The following ZER1 variants were observed in gnomAD, a reference collection of about 807,000 sequenced individuals.
ZER1 encodes the protein protein zer-1 homolog.
In ZER1, 11 loss-of-function variants were observed where a neutral mutation model predicts 78.8. The observed-to-expected ratio is 0.14, with a 90% CI of 0.09 to 0.23. The LOEUF (loss-of-function observed/expected upper bound fraction) is 0.23. Ranked by LOEUF, ZER1 falls within the 10% of genes least tolerant of loss-of-function variation. The pLI is 1.00. For synonymous variants in ZER1, 400 were observed against 407.0 expected (o/e 0.98, Z 0.21); for missense variants, 588 against 996.9 (o/e 0.59, Z 5.52).
chr9:128,733,229 T>A, intron 15 of ZER1, 197 bp downstream of exon 15: 1 of 518,342 alleles, frequency 1.9e-6, no homozygotes, highest in East Asian at 2.9e-5. Flanking sequence ...AGCTTGGTCA[T>A]CTAATTTCCA....
chr9:128,733,351 C>T, intron 15 of ZER1, 75 bp downstream of exon 15: 9 of 1,361,258 alleles, frequency 6.6e-6, no homozygotes, highest in Non-Finnish European at 8.2e-6. Context: ...CATTCCTAAC[C>T]TCCAGAGGGC....
intron 1 of ZER1, among the ~76,000 whole-genome samples, chr9:128,766,161 C>T (rs981720736): frequency 4.0e-5 from 6 of 151,866 alleles, no homozygotes; most frequent in Admixed American, 1.3e-4. Flanking sequence ...CCATCCTGGC[C>T]AACATGGTGA....
intron 1 of ZER1, among the ~76,000 whole-genome samples, chr9:128,759,766 G>A (rs533783267): frequency 1.3e-5 from 2 of 152,186 alleles, no homozygotes; most frequent in South Asian, 2.1e-4. Context: ...CTGCACTCCA[G>A]TCTGGGCAAC....
At chr9:128,768,089 GT>G (rs1864272813) in intron 1 of ZER1, among the ~76,000 whole-genome samples, 1 of 152,178 alleles carries the variant, frequency 6.6e-6, no homozygotes, top group Admixed American at 6.6e-5. Context: ...ATTATGAAGA[GT>G]GATGTTCCTG....
In ZER1 at chr9:128,733,467, A is replaced by C; in HGVS notation, c.2202T>G (p.Ile734Met). 1.2e-6 allele frequency: 2 copies of C among 1,613,826 alleles called. No individual in the cohort carries two copies. Among genetic ancestry groups the C allele is most frequent in the Non-Finnish European group, 1.7e-6 (2 of 1,179,918 alleles). ...TCTCCTGCCGTGCGGTCGCCATCTT[A>C]ATTATGTCCCTCAGAAGGGGCATCC... ...EGGMPLLRDIIKMATARQETK... is the reference protein window; with the variant it reads ...EGGMPLLRDIMKMATARQETK... The change falls in exon 15 of 16, where the codon ATT becomes ATG. Residue 734 changes from isoleucine to methionine, a missense_variant. Ile to Met is a conservative substitution (Grantham distance 10). This residue lies in a region of ZER1 where 122 missense variants were observed against 173.5 expected (regional missense o/e 0.70). Transcript: ENST00000291900.
rs537874457 is a variant in ZER1 at position 128,746,880 on chromosome 9, C to T, written c.1359+3736G>A. ...TGAATTCCTGACCTCAGGTGATCCA[C>T]CCACCTTGGCCTCCCAAAGTGCTGG... On this transcript the variant is annotated intron_variant, in intron 8 of 15. Transcript: ENST00000291900. Among the ~76,000 whole-genome samples, 289 of 152,102 alleles carry T rather than the reference C, an allele frequency of 1.9e-3. 2 individuals are homozygous for T. Among genetic ancestry groups the T allele is most frequent in the Non-Finnish European group, 2.8e-3 (188 of 67,988 alleles).
intron 8 of ZER1, 69 bp downstream of exon 8, chr9:128,750,547 C>CG: frequency 1.3e-6 from 2 of 1,564,126 alleles, no homozygotes; most frequent in Non-Finnish European, 1.7e-6. Flanking sequence ...GGAGCCCTAG[C>CG]GGGACGCAAG....
Position 128,753,270 on chromosome 9 carries a change from C to T in ZER1, c.640G>A (p.Ala214Thr), listed in dbSNP as rs1379850271. ...TCTTTCCACTGGGTGAGGAAGGCGG[C>T]GTCGCTCGTCTGAATGCCTGAGAGG... is the stretch of plus-strand genomic sequence containing the variant. ...LDLSGIQTSD[A>T]AFLTQWKDSL... The change falls in exon 4 of 16, where the codon GCC (alanine) becomes ACC (threonine). Residue 214 changes from alanine (A) to threonine (T), a missense_variant. Around this residue, in one of 3 missense-constraint regions of ZER1, gnomAD observed 406 missense variants for 660.1 expected, o/e 0.62. Coordinates refer to ENST00000291900, the MANE Select transcript of ZER1 (RefSeq NM_006336.4). The surrounding 1 kb of genome is among the most constrained non-coding windows in gnomAD (Gnocchi z 7.5). 3.7e-6 allele frequency: 6 copies of T among 1,604,288 alleles called. No individual in the cohort carries two copies. Among genetic ancestry groups the T allele is most frequent in the South Asian group, 1.1e-5 (1 of 89,538 alleles).
rs576049659 is a variant in ZER1 at position 128,754,730 on chromosome 9, C to T, written c.158+678G>A. On this transcript the variant is annotated intron_variant, in intron 2 of 15. Transcript: ENST00000291900. This position sits in a 1 kb window ranked among gnomAD's most constrained non-coding sequence, Gnocchi z 4.3. ...GTAGAGACAAGGTCTCGCTATGTCA[C>T]CCAGGCTGATCTTGAATTTCTGGTC... 1.3e-5 allele frequency among the ~76,000 whole-genome samples: 2 copies of T among 151,790 alleles called. No individual in the cohort carries two copies. The highest frequency in any genetic ancestry group is 4.2e-4 in the South Asian group (2 of 4,798).
At chr9:128,761,959 T>TA (rs2132477211) in intron 1 of ZER1, among the ~76,000 whole-genome samples, 1 of 1,384 alleles carries the variant, frequency 7.2e-4, no homozygotes, top group East Asian at 0.12. Context: ...CTGTGTAAAC[T>TA]AGACTGGAAC....
At position 128,760,594 on chromosome 9, in the gene ZER1, C is replaced by T. The variant is rs1864010001; in HGVS notation, c.-94-4935G>A. Among the ~76,000 whole-genome samples the T allele has an allele frequency of 2.0e-5, 3 of 152,108 alleles. No individual in the cohort carries two copies. In the South Asian group the frequency reaches 6.2e-4, roughly 32 times the overall value. On this transcript the variant is annotated intron_variant, in intron 1 of 15. Transcript: ENST00000291900. Reference sequence around the variant, plus strand: ...TTCACTGTAAAATTACTTAACCTCTCCATTGAGGCCAACATAGTGAAACCC... The same window carrying T: ...TTCACTGTAAAATTACTTAACCTCTTCATTGAGGCCAACATAGTGAAACCC...
rs202247358 is a variant in ZER1, at chr9:128,750,676, C to T, written c.1299G>A (p.Lys433=). The change falls in exon 8 of 16, where the codon AAG becomes AAA. Residue 433 remains lysine (K), a synonymous_variant. Coordinates refer to ENST00000291900, the MANE Select transcript of ZER1 (RefSeq NM_006336.4). The part of the protein sequence containing the change: ...NSEYRSEQSV[K]LRRQVIQVVL... ...CCACCTGGATAACCTGCCGGCGCAGCTTCACACTCTGCTCTGAGCGGTACT... is the reference window on the plus strand; with the variant it reads ...CCACCTGGATAACCTGCCGGCGCAGTTTCACACTCTGCTCTGAGCGGTACT... The T allele has an allele frequency of 1.9e-6, 3 of 1,614,246 alleles. No homozygotes were observed. Among genetic ancestry groups the T allele is most frequent in the African/African-American group, 2.7e-5 (2 of 75,056 alleles).
intron 1 of ZER1, among the ~76,000 whole-genome samples, chr9:128,764,845 C>A (rs1173698774): frequency 6.6e-6 from 1 of 152,160 alleles, no homozygotes; most frequent in Non-Finnish European, 1.5e-5. Context: ...CTGGGAGAAC[C>A]CTGTGTCTTT....
chr9:128,764,535 A>G (rs891778417), intron 1 of ZER1, among the ~76,000 whole-genome samples: 3 of 152,310 alleles, frequency 2.0e-5, no homozygotes, highest in East Asian at 3.9e-4. Context: ...TAAGCCAGGT[A>G]GATGGCGCCA....
At chr9:128,742,068 CCT>C (rs1275199172) in intron 9 of ZER1, among the ~76,000 whole-genome samples, 1 of 152,212 alleles carries the variant, frequency 6.6e-6, no homozygotes, top group Non-Finnish European at 1.5e-5. Flanking sequence ...GGGTGACTCC[CCT>C]GTGACTTTGG....
chr9:128,731,447 C>A, intron 15 of ZER1, 53 bp from the exon 16 acceptor site: 1 of 1,347,642 alleles, frequency 7.4e-7, no homozygotes, highest in South Asian at 1.2e-5. Flanking sequence ...TGGGGGTGAG[C>A]CCAGCCCCTC....
chr9:128,768,228 G>A (rs1273588742), intron 1 of ZER1, among the ~76,000 whole-genome samples: 1 of 152,140 alleles, frequency 6.6e-6, no homozygotes, highest in Non-Finnish European at 1.5e-5. Flanking sequence ...TCACCTCTCA[G>A]GACTCCAGAA....
intron 14 of ZER1, 144 bp from the exon 15 acceptor site, chr9:128,733,672 G>T: frequency 1.5e-6 from 1 of 669,998 alleles, no homozygotes; most frequent in Non-Finnish European, 2.5e-6. Flanking sequence ...CTAGAAATGG[G>T]GGCAAGACGT....
At chr9:128,735,770 T>G (rs796159418) in intron 13 of ZER1, among the ~76,000 whole-genome samples, 1,249 of 120,406 alleles carry the variant, frequency 0.01, 166 homozygotes, top group African/African-American at 0.041. Flanking sequence ...GGTTTTTTTT[T>G]TTTTTTTTTT....
Sources: gnomAD v4.1 joint callset for allele counts (sites outside exome capture counted in the v4.1 genomes callset) on GRCh38, gnomAD v4.1.1 for gene constraint, gnomAD v4.1.1 regional missense constraint, Gnocchi (gnomAD v3.1) non-coding constraint, MANE v1.5 for transcripts, NCBI Gene and HGNC (gene_info 2026-07-23, HGNC 2026-07-21) for gene names.